The following PTTG1IP2 variants were observed in gnomAD, a reference collection of about 807,000 sequenced individuals.
PTTG1IP2 encodes the protein PTTG1IP family member 2.
At chr7:90,491,624 GA>G (rs74700057) in intron 4 of PTTG1IP2, among the ~76,000 whole-genome samples, 5,782 of 119,410 alleles carry the variant, frequency 0.048, 224 homozygotes, top group East Asian at 0.14. Context: ...CTCCATCTAA[GA>G]AAAAAAAAAA....
chr7:90,481,646 C>T (rs1398460971), intron 2 of PTTG1IP2, among the ~76,000 whole-genome samples: 1 of 152,152 alleles, frequency 6.6e-6, no homozygotes, highest in Non-Finnish European at 1.5e-5. Flanking sequence ...ATTCTTATCC[C>T]TCCTTTTAGA....
chr7:90,494,232 A>G (rs1246908277), intron 5 of PTTG1IP2, 135 bp from the exon 6 acceptor site: 1 of 152,242 alleles, frequency 6.6e-6, no homozygotes, highest in African/African-American at 2.4e-5. Context: ...TTAAAATAGC[A>G]ACAGTATTAA....
In PTTG1IP2 at chr7:90,494,371, T is replaced by C. The variant is rs927872265; in HGVS notation, c.456T>C (p.Tyr152=). The change falls in exon 6 of 7, where the codon TAT becomes TAC. Residue 152 remains tyrosine, a synonymous_variant. Coordinates refer to ENST00000509356, the MANE Select transcript of PTTG1IP2 (RefSeq NM_001365443.2). ...VPIHDRSATV[Y]DE ...ATTTATTTTCTCTTCTCATAGTATATGATGAATAGATAATTGAAAAGAGAT... is the reference window on the plus strand; with the variant it reads ...ATTTATTTTCTCTTCTCATAGTATACGATGAATAGATAATTGAAAAGAGAT... The C allele has an allele frequency of 1.3e-4, 20 of 152,330 alleles. No homozygotes were observed. Among genetic ancestry groups the C allele is most frequent in the African/African-American group, 4.8e-4 (20 of 41,580 alleles). 9.4% of individuals were successfully genotyped at this position (152,330 alleles called of 1,614,324 possible). A position where few individuals can be genotyped will look rare whatever the true frequency, so the allele number is the denominator to read the frequency against.
chr7:90,506,672 C>T (rs533703477), intron 6 of PTTG1IP2, among the ~76,000 whole-genome samples: 2 of 152,174 alleles, frequency 1.3e-5, no homozygotes, highest in East Asian at 3.9e-4. Context: ...GAGGGTGAGG[C>T]AGGAGGATGG....
intron 1 of PTTG1IP2, among the ~76,000 whole-genome samples, chr7:90,477,192 TA>T (rs1268042872): frequency 3.3e-5 from 5 of 152,146 alleles, no homozygotes; most frequent in Admixed American, 2.6e-4. Context: ...ATAGAAAACA[TA>T]TATGCAAACA....
chr7:90,506,075 T>C (rs1264854387), intron 6 of PTTG1IP2, among the ~76,000 whole-genome samples: 1 of 150,152 alleles, frequency 6.7e-6, no homozygotes, highest in African/African-American at 2.4e-5. Flanking sequence ...ATTTAAATGG[T>C]AATTACACAC....
At chr7:90,481,811 T>G (rs1199185301) in intron 2 of PTTG1IP2, among the ~76,000 whole-genome samples, 1 of 152,180 alleles carries the variant, frequency 6.6e-6, no homozygotes, top group Non-Finnish European at 1.5e-5. Context: ...TTTATTCATC[T>G]TTGTATCTCT....
At chr7:90,498,576 A>T (rs1017125897) in intron 6 of PTTG1IP2, among the ~76,000 whole-genome samples, 1 of 152,190 alleles carries the variant, frequency 6.6e-6, no homozygotes, top group African/African-American at 2.4e-5. Context: ...GAGACAAAGA[A>T]CGTCATTATA....
intron 2 of PTTG1IP2, among the ~76,000 whole-genome samples, chr7:90,481,645 C>T (rs1299949509): frequency 2.6e-5 from 4 of 152,084 alleles, no homozygotes; most frequent in Non-Finnish European, 5.9e-5. Context: ...TATTCTTATC[C>T]CTCCTTTTAG....
intron 6 of PTTG1IP2, among the ~76,000 whole-genome samples, chr7:90,509,561 G>A (rs1302834668): frequency 1.3e-5 from 2 of 152,196 alleles, no homozygotes; most frequent in African/African-American, 4.8e-5. Flanking sequence ...AGACATGCAT[G>A]TAGTAACTCC....
chr7:90,478,989 A>G (rs1797784795), intron 1 of PTTG1IP2, among the ~76,000 whole-genome samples: 1 of 152,172 alleles, frequency 6.6e-6, no homozygotes, highest in Non-Finnish European at 1.5e-5. Context: ...AACTTGGCTC[A>G]TCAAAGTTGG....
chr7:90,491,254 A>C (rs558714381), intron 4 of PTTG1IP2, among the ~76,000 whole-genome samples: 5 of 152,244 alleles, frequency 3.3e-5, no homozygotes, highest in Non-Finnish European at 5.9e-5. Flanking sequence ...ATTGTCATCT[A>C]TTCTTTTAGC....
intron 6 of PTTG1IP2, among the ~76,000 whole-genome samples, chr7:90,507,965 A>G (rs1420214824): frequency 6.6e-6 from 1 of 152,148 alleles, no homozygotes; most frequent in Non-Finnish European, 1.5e-5. Context: ...TTTAGATACT[A>G]TAAAATATCA....
At chr7:90,482,325 T>A (rs1797822529) in intron 2 of PTTG1IP2, among the ~76,000 whole-genome samples, 1 of 152,144 alleles carries the variant, frequency 6.6e-6, no homozygotes, top group South Asian at 2.1e-4. Context: ...ATATACCAAC[T>A]CCTTTTCATT....
intron 2 of PTTG1IP2, among the ~76,000 whole-genome samples, chr7:90,480,028 C>T (rs1017586434): frequency 6.6e-6 from 1 of 152,178 alleles, no homozygotes. Flanking sequence ...TGGCATTCTC[C>T]AGCCAGTTCA....
At chr7:90,478,138 CTG>C (rs1797773301) in intron 1 of PTTG1IP2, among the ~76,000 whole-genome samples, 1 of 145,280 alleles carries the variant, frequency 6.9e-6, no homozygotes, top group Non-Finnish European at 1.5e-5. Flanking sequence ...AATTGGAAAA[CTG>C]GGTGAGGGGG....
intron 6 of PTTG1IP2, among the ~76,000 whole-genome samples, chr7:90,508,509 A>G (rs983717817): frequency 4.6e-5 from 7 of 152,138 alleles, no homozygotes; most frequent in Non-Finnish European, 8.8e-5. Flanking sequence ...AATCAGAATA[A>G]ACAGTAGACA....
chr7:90,476,939 T>A (rs1797754974), intron 1 of PTTG1IP2, among the ~76,000 whole-genome samples: 1 of 152,110 alleles, frequency 6.6e-6, no homozygotes, highest in African/African-American at 2.4e-5. Flanking sequence ...AATAAAAAAA[T>A]TTTGTTTTGA....
intron 2 of PTTG1IP2, among the ~76,000 whole-genome samples, chr7:90,480,128 T>C (rs991614216): frequency 6.6e-6 from 1 of 151,948 alleles, no homozygotes; most frequent in Non-Finnish European, 1.5e-5. Flanking sequence ...ATACGTGACC[T>C]GCCTTCCTCA....
Sources: allele counts gnomAD v4.1 joint callset (sites outside exome capture counted in the v4.1 genomes callset), GRCh38; gene constraint gnomAD v4.1.1; transcripts MANE v1.5; gene names NCBI Gene and HGNC (gene_info 2026-07-23, HGNC 2026-07-21).